The following LAMA3 variants were observed in gnomAD, a reference collection of about 807,000 sequenced individuals.
LAMA3 encodes laminin subunit alpha 3.
In LAMA3, 281 loss-of-function variants were observed where a neutral mutation model predicts 402.0. That is an observed-to-expected ratio of 0.70 (90% confidence interval 0.63 to 0.77). LAMA3 has a LOEUF of 0.77. Among genes scored for constraint, LAMA3 ranks in the 30% least tolerant of loss-of-function variants. The pLI is 0.00. For missense variants in LAMA3, 3,840 were observed against 4,215.5 expected (o/e 0.91, Z 2.47); for synonymous variants, 1,431 against 1,558.4 (o/e 0.92, Z 1.93).
At chr18:23,720,277 T>C (rs2061186376) in intron 2 of LAMA3, among the ~76,000 whole-genome samples, 1 of 152,212 alleles carries the variant, frequency 6.6e-6, no homozygotes, top group Non-Finnish European at 1.5e-5. Flanking sequence ...AAGAGTATTT[T>C]ATAGCTATAA....
Position 23,846,369 on chromosome 18 carries a change from G to A in LAMA3, c.3792G>A (p.Leu1264=), listed in dbSNP as rs777854281. The change falls in exon 31 of 75, where the codon CTG becomes CTA. Residue 1264 remains leucine (L), a synonymous_variant. Transcript: ENST00000313654. ...SLVAFYHKGA[L]PCECHPTGAT... ...TGGCCTTTTACCACAAGGGCGCCCT[G>A]CCTTGTGAGTGCCACCCCACTGGGG... 3 of 1,614,206 alleles carry A rather than the reference G, an allele frequency of 1.9e-6. No individual in the cohort carries two copies. In the South Asian group the frequency reaches 3.3e-5, roughly 18 times the overall value.
intron 68 of LAMA3, among the ~76,000 whole-genome samples, chr18:23,941,324 G>GGCC: frequency 3.5e-5 from 1 of 28,264 alleles, no homozygotes; most frequent in Non-Finnish European, 7.1e-5. Context: ...CATCAGCTTG[G>GGCC]CGCCCCCCCC....
In LAMA3 at chr18:23,888,025, G is replaced by A. The variant is rs1486395861; in HGVS notation, c.5304-1986G>A. On this transcript the variant is annotated intron_variant, in intron 41 of 74. Transcript: ENST00000313654. ...GAATATTTCTGTGATTTAAATATAA[G>A]GTACTTTGTAATTATGCATCTATTA... 3.3e-5 allele frequency among the ~76,000 whole-genome samples: 5 copies of A among 152,314 alleles called. No individual in the cohort carries two copies. In the East Asian group the frequency reaches 9.6e-4, roughly 29 times the overall value.
At chr18:23,815,745 T>C (rs2063163291) in intron 17 of LAMA3, among the ~76,000 whole-genome samples, 172 bp downstream of exon 17, 1 of 152,192 alleles carries the variant, frequency 6.6e-6, no homozygotes, top group Non-Finnish European at 1.5e-5. Context: ...ACTAGTAAAT[T>C]GCAAGTGGGG....
intron 62 of LAMA3, among the ~76,000 whole-genome samples, chr18:23,927,153 C>T (rs775672357): frequency 6.6e-6 from 1 of 152,088 alleles, no homozygotes; most frequent in Non-Finnish European, 1.5e-5. Context: ...TCTTGCTGTA[C>T]GTTAACTTGT....
intron 7 of LAMA3, among the ~76,000 whole-genome samples, chr18:23,759,044 G>GTT (rs140559805): frequency 1.5e-4 from 22 of 148,194 alleles, no homozygotes; most frequent in African/African-American, 5.2e-4. Flanking sequence ...TAAGAAAAGC[G>GTT]TTTTTTTTTT....
chr18:23,926,670 TTAGTACATC>T (rs2082011686), intron 62 of LAMA3, among the ~76,000 whole-genome samples: 1 of 152,386 alleles, frequency 6.6e-6, no homozygotes, highest in South Asian at 2.1e-4. Context: ...TTGGGTTTTC[TTAGTACATC>T]ATTTGTTTAA....
chr18:23,895,022 G>T lies in LAMA3; in HGVS notation c.5577G>T (p.Gln1859His). 6.2e-7 allele frequency: 1 copy of T among 1,610,750 alleles called. No homozygotes were observed. The highest frequency in any genetic ancestry group is 2.2e-5 in the East Asian group (1 of 44,728). ...GLSASAGLLE[Q>H]MRHMETQAKD... Reference sequence around the variant, plus strand: ...GTGCCAGCGCAGGGCTTCTGGAGCAGATGAGGCACATGGAGACCCAGGCCA... The same window carrying T: ...GTGCCAGCGCAGGGCTTCTGGAGCATATGAGGCACATGGAGACCCAGGCCA... Residue 1859 changes from glutamine (Q) to histidine (H), a missense_variant, in exon 44 of 75, where the codon CAG (glutamine) becomes CAT (histidine). Gln to His is a conservative substitution (Grantham distance 24). Around this residue, in one of 3 missense-constraint regions of LAMA3, gnomAD observed 891 missense variants for 857.5 expected, o/e 1.04. Coordinates refer to ENST00000313654, the MANE Select transcript of LAMA3 (RefSeq NM_198129.4).
chr18:23,751,174 A>C (rs962416884), intron 5 of LAMA3, 86 bp downstream of exon 5: 1 of 1,264,202 alleles, frequency 7.9e-7, no homozygotes, highest in African/African-American at 1.5e-5. Flanking sequence ...CTTTTAAGTA[A>C]CCTTTATAGC....
chr18:23,942,569 C>T (rs1350564892), intron 68 of LAMA3, among the ~76,000 whole-genome samples: 2 of 143,892 alleles, frequency 1.4e-5, no homozygotes, highest in African/African-American at 5.1e-5. Context: ...TGAATACTAA[C>T]TTGCACTCTG....
rs2060538604 is a variant in LAMA3, at chr18:23,689,606, G to C, written c.-78G>C. 2 of 1,204,420 alleles carry C rather than the reference G, an allele frequency of 1.7e-6. No individual in the cohort carries two copies. Among genetic ancestry groups the C allele is most frequent in the African/African-American group, 1.6e-5 (1 of 63,418 alleles). 74.6% of individuals were successfully genotyped at this position (1,204,420 alleles called of 1,614,324 possible). Reference sequence around the variant, plus strand: ...GCGCTAGTCCTGGCGCTGCAGGTCCGGGAGGCGCAGGCGGAGAGCGGCGGT... The same window carrying C: ...GCGCTAGTCCTGGCGCTGCAGGTCCCGGAGGCGCAGGCGGAGAGCGGCGGT... On this transcript the variant is annotated 5_prime_UTR_variant, in exon 1 of 75. Coordinates refer to ENST00000313654, the MANE Select transcript of LAMA3 (RefSeq NM_198129.4).
intron 35 of LAMA3, among the ~76,000 whole-genome samples, chr18:23,863,441 T>C (rs1362376659): frequency 6.6e-6 from 1 of 152,074 alleles, no homozygotes; most frequent in Non-Finnish European, 1.5e-5. Flanking sequence ...CGAGACTCCA[T>C]CTCAACAAAA....
intron 42 of LAMA3, among the ~76,000 whole-genome samples, chr18:23,892,286 A>G (rs1212302947): frequency 3.9e-5 from 6 of 152,198 alleles, no homozygotes; most frequent in Non-Finnish European, 7.3e-5. Context: ...AATCAGCAAC[A>G]TGAAATGAGG....
chr18:23,826,610 T>A, intron 21 of LAMA3, 92 bp from the exon 22 acceptor site: 1 of 934,300 alleles, frequency 1.1e-6, no homozygotes, highest in Non-Finnish European at 1.7e-6. Context: ...CACCTGGTTA[T>A]TATTGATTTA....
At chr18:23,792,663 C>T (rs1598803643) in intron 12 of LAMA3, among the ~76,000 whole-genome samples, 1 of 152,164 alleles carries the variant, frequency 6.6e-6, no homozygotes, top group Admixed American at 6.5e-5. Context: ...CAGATTTTGG[C>T]TTGGAAACCC....
chr18:23,875,494 G>T (rs1437707433), intron 38 of LAMA3, among the ~76,000 whole-genome samples: 1 of 152,174 alleles, frequency 6.6e-6, no homozygotes, highest in African/African-American at 2.4e-5. Context: ...GCCTCTGTGT[G>T]TTCGGGTGGA....
chr18:23,903,874 A>G (rs1360244685), intron 49 of LAMA3, 59 bp from the exon 50 acceptor site: 10 of 1,373,036 alleles, frequency 7.3e-6, no homozygotes, highest in Non-Finnish European at 1.0e-5. Context: ...AGTTTGAGAA[A>G]TCAGCACCTA....
At chr18:23,871,888 A>G (rs1175675520) in intron 38 of LAMA3, among the ~76,000 whole-genome samples, 1 of 152,244 alleles carries the variant, frequency 6.6e-6, no homozygotes, top group Non-Finnish European at 1.5e-5. Flanking sequence ...GATTCAATAG[A>G]TGCTGAGGGT....
intron 8 of LAMA3, among the ~76,000 whole-genome samples, chr18:23,771,299 GA>G (rs1378977092): frequency 2.0e-5 from 3 of 152,142 alleles, no homozygotes; most frequent in Non-Finnish European, 2.9e-5. Context: ...AATGACGACT[GA>G]AAAAACACAC....
Sources: gnomAD v4.1 joint callset for allele counts (sites outside exome capture counted in the v4.1 genomes callset) on GRCh38, gnomAD v4.1.1 for gene constraint, gnomAD v4.1.1 regional missense constraint, MANE v1.5 for transcripts, NCBI Gene and HGNC (gene_info 2026-07-23, HGNC 2026-07-21) for gene names.